Variants in THSD7A observed in about 807,000 individuals in gnomAD.
THSD7A encodes thrombospondin type 1 domain containing 7A.
Under a neutral mutation model 231.3 loss-of-function variants are expected in THSD7A, and 96 were observed. The ratio of observed to expected loss-of-function variants is 0.41; its 90% CI spans 0.35 to 0.49. The LOEUF is 0.49. Ranked by LOEUF, THSD7A falls within the 20% of genes least tolerant of loss-of-function variation. The probability of loss-of-function intolerance (pLI) is 0.05; values close to 1 mark genes in which losing one functional copy is unlikely to be tolerated. For synonymous variants in THSD7A, 940 were observed against 743.3 expected, an observed-to-expected ratio of 1.26 and a Z score of -4.30; for missense variants, 2,290 against 2,070.2, an observed-to-expected ratio of 1.11 and a Z score of -2.06.
intron 17 of THSD7A, 145 bp from the exon 18 acceptor site, chr7:11,412,945 G>A (rs1196928932): frequency 2.5e-6 from 2 of 808,204 alleles, no homozygotes; most frequent in East Asian, 2.7e-5. Flanking sequence ...TGCCTCAGTT[G>A]TTCAATGTAT....
rs752560754 is a variant in THSD7A, at chr7:11,541,856, G to T, written c.1610-225C>A. Reference sequence around the variant, plus strand: ...GGAATGAAAAAAAATGAGAACCTTTGGTTTTAGCTTACTACTGCAAAGGTA... The same window carrying T: ...GGAATGAAAAAAAATGAGAACCTTTTGTTTTAGCTTACTACTGCAAAGGTA... On this transcript the variant is annotated intron_variant, in intron 5 of 27. Coordinates refer to ENST00000423059, the MANE Select transcript of THSD7A (RefSeq NM_015204.3). Among the ~76,000 whole-genome samples, 10 of 152,118 alleles carry T rather than the reference G, an allele frequency of 6.6e-5. 1 individual carries two copies. Among genetic ancestry groups the T allele is most frequent in the Non-Finnish European group, 8.8e-5 (6 of 68,006 alleles).
Position 11,831,643 on chromosome 7 carries a change from G to T in THSD7A, c.190+114C>A. ...TAAGAAATCATACTTTTTACCTTAG[G>T]ATACCAGCATAACCAAGCCATCCAA... On this transcript the variant is annotated intron_variant, in intron 1 of 27. Transcript: ENST00000423059. The surrounding 1 kb of genome is among the most constrained non-coding windows in gnomAD (Gnocchi z 5.0). 1 of 648,174 alleles carries T rather than the reference G, an allele frequency of 1.5e-6. No individual in the cohort carries two copies. The highest frequency in any genetic ancestry group is 2.2e-6 in the Non-Finnish European group (1 of 457,694). The allele number at this position is 648,174 out of a possible 1,614,324, so 40.2% of individuals were successfully genotyped here.
rs1272766811 is a variant in THSD7A at position 11,632,672 on chromosome 7, A to T, written c.1022+3458T>A. ...TTTTACTTTAAAGAGAATGCTTCTA[A>T]TGTTTCACAGTTGAGCACCGTCCCA... On this transcript the variant is annotated intron_variant, in intron 2 of 27. Coordinates refer to ENST00000423059, the MANE Select transcript of THSD7A (RefSeq NM_015204.3). The surrounding 1 kb of genome is among the most constrained non-coding windows in gnomAD (Gnocchi z 4.1). Among the ~76,000 whole-genome samples the T allele has an allele frequency of 1.3e-5, 2 of 152,128 alleles. No individual in the cohort carries two copies. The highest frequency in any genetic ancestry group is 2.9e-5 in the Non-Finnish European group (2 of 68,024).
rs756308582 is a variant in THSD7A, at chr7:11,375,840, C to A, written c.4928G>T (p.Arg1643Leu). The change falls in exon 28 of 28, where the codon CGA (arginine) becomes CTA (leucine). Residue 1643 changes from arginine to leucine, a missense_variant. Arg to Leu is a moderately radical substitution (Grantham distance 102, BLOSUM62 -2). Coordinates refer to ENST00000423059, the MANE Select transcript of THSD7A (RefSeq NM_015204.3). ...PKKPQRRQNNRLKPLTLAYDG... is the reference protein window; with the variant it reads ...PKKPQRRQNNLLKPLTLAYDG... ...ATAGGCTAAGGTTAAAGGTTTCAGT[C>A]GGTTGTTTTGCCTTCTTTGGGGTTT... is the stretch of plus-strand genomic sequence containing the variant. The A allele has an allele frequency of 1.2e-6, 2 of 1,612,618 alleles. No individual in the cohort carries two copies. Among genetic ancestry groups the A allele is most frequent in the South Asian group, 1.1e-5 (1 of 91,010 alleles).
At chr7:11,820,854 G>GT in intron 1 of THSD7A, 1 of 946,046 alleles carries the variant, frequency 1.1e-6, no homozygotes. Flanking sequence ...TAAGTTTTCT[G>GT]TTTTCTCAGC....
intron 23 of THSD7A, among the ~76,000 whole-genome samples, chr7:11,392,884 C>T (rs897633109): frequency 2.0e-5 from 3 of 152,214 alleles, no homozygotes; most frequent in African/African-American, 7.2e-5. Flanking sequence ...CAGCCCCAGT[C>T]AGGGGCTTAT....
chr7:11,686,119 G>T (rs569988271), intron 1 of THSD7A, among the ~76,000 whole-genome samples: 55 of 151,996 alleles, frequency 3.6e-4, no homozygotes, highest in African/African-American at 1.2e-3. Flanking sequence ...ATTTATAAAA[G>T]TGGGAGCTAA....
Position 11,820,121 on chromosome 7 carries a change from G to A in THSD7A, c.190+11636C>T, listed in dbSNP as rs551461674. Reference sequence around the variant, plus strand: ...CTCAAGAGCTGGGCCTGACCCCCGGGCTCCACCGCCAGCCTCCTCTGTCCA... The same window carrying A: ...CTCAAGAGCTGGGCCTGACCCCCGGACTCCACCGCCAGCCTCCTCTGTCCA... On this transcript the variant is annotated intron_variant, in intron 1 of 27. Transcript: ENST00000423059. Among the ~76,000 whole-genome samples, 20 of 152,286 alleles carry A rather than the reference G, an allele frequency of 1.3e-4. No homozygotes were observed. In the East Asian group the frequency reaches 3.7e-3, roughly 28 times the overall value.
At position 11,590,557 on chromosome 7, in the gene THSD7A, C is replaced by A; in HGVS notation, c.1356G>T (p.Thr452=). 6.2e-7 allele frequency: 1 copy of A among 1,613,816 alleles called. No homozygotes were observed. Among genetic ancestry groups the A allele is most frequent in the Non-Finnish European group, 8.5e-7 (1 of 1,179,816 alleles). ...TCTGGATGCCCCCTCCACAGAGGGC[C>A]GTCTGGTTGCCGCGCCTCTTGTCCT... ...SQQDKRRGNQ[T]ALCGGGIQTR... The change falls in exon 4 of 28, where the codon ACG becomes ACT. Residue 452 remains threonine (T), a synonymous_variant. Coordinates refer to ENST00000423059, the MANE Select transcript of THSD7A (RefSeq NM_015204.3). The surrounding 1 kb of genome is among the most constrained non-coding windows in gnomAD (Gnocchi z 4.4).
intron 1 of THSD7A, among the ~76,000 whole-genome samples, chr7:11,746,026 TA>T (rs1782287765): frequency 6.6e-6 from 1 of 152,082 alleles, no homozygotes; most frequent in Non-Finnish European, 1.5e-5. Context: ...ATCTATAAAT[TA>T]CCTTGGGCAG....
At chr7:11,745,669 C>T (rs1002087880) in intron 1 of THSD7A, among the ~76,000 whole-genome samples, 1 of 152,080 alleles carries the variant, frequency 6.6e-6, no homozygotes, top group Admixed American at 6.6e-5. Context: ...ATATGGCCAG[C>T]CAGTTTTCCC....
At chr7:11,490,990 C>T (rs1397621811) in intron 6 of THSD7A, among the ~76,000 whole-genome samples, 1 of 152,090 alleles carries the variant, frequency 6.6e-6, no homozygotes, top group Admixed American at 6.6e-5. Flanking sequence ...GACCATCCCT[C>T]CCATACTACT....
chr7:11,419,203 C>T (rs1017570211), intron 16 of THSD7A, among the ~76,000 whole-genome samples: 2 of 152,090 alleles, frequency 1.3e-5, no homozygotes, highest in Non-Finnish European at 2.9e-5. Flanking sequence ...TCAAAGATTT[C>T]TCTTGATATG....
At chr7:11,721,511 C>G (rs1781351108) in intron 1 of THSD7A, among the ~76,000 whole-genome samples, 1 of 146,314 alleles carries the variant, frequency 6.8e-6, no homozygotes, top group South Asian at 2.1e-4. Flanking sequence ...TCCTATACAG[C>G]CTACGGAACT....
intron 4 of THSD7A, among the ~76,000 whole-genome samples, chr7:11,576,660 A>G (rs1790920846): frequency 6.6e-6 from 1 of 152,254 alleles, no homozygotes; most frequent in African/African-American, 2.4e-5. Context: ...CTACAAAAAT[A>G]GCAATATCAT....
At chr7:11,428,839 G>C in intron 14 of THSD7A, 108 bp downstream of exon 14, 2 of 1,311,916 alleles carry the variant, frequency 1.5e-6, no homozygotes, top group Admixed American at 2.5e-5. Flanking sequence ...GTAAAAATGG[G>C]TCAATTTTTT....
rs1452821200 is a variant in THSD7A, at chr7:11,474,434, T to C, written c.2152A>G (p.Thr718Ala). 2.5e-6 allele frequency: 4 copies of C among 1,613,506 alleles called. No individual in the cohort carries two copies. In the African/African-American group the frequency reaches 4.0e-5, roughly 16 times the overall value. The change falls in exon 8 of 28, where the codon ACA becomes GCA. Residue 718 changes from threonine (T) to alanine (A), a missense_variant. Thr to Ala is a moderately conservative substitution (Grantham distance 58, BLOSUM62 0). Coordinates refer to ENST00000423059, the MANE Select transcript of THSD7A (RefSeq NM_015204.3). The surrounding 1 kb of genome is among the most constrained non-coding windows in gnomAD (Gnocchi z 4.1). ...GCCTCCCCATTCCAAGTCGTAGTTGTGTTGAAGGACGATACTGAGGTGTCC... is the reference window on the plus strand; with the variant it reads ...GCCTCCCCATTCCAAGTCGTAGTTGCGTTGAAGGACGATACTGAGGTGTCC... ...IEDTSVSSFN[T>A]TTTWNGEASC...
intron 1 of THSD7A, among the ~76,000 whole-genome samples, chr7:11,773,322 C>T (rs1256787618): frequency 6.6e-6 from 1 of 152,094 alleles, no homozygotes; most frequent in East Asian, 1.9e-4. Context: ...TCATCTAGGT[C>T]GGGAGTTCGT....
At chr7:11,575,383 T>C (rs1790848614) in intron 4 of THSD7A, among the ~76,000 whole-genome samples, 1 of 152,214 alleles carries the variant, frequency 6.6e-6, no homozygotes. Context: ...CCTTTATCAG[T>C]GCCTAGATAA....
Sources: gnomAD v4.1 joint callset for allele counts (sites outside exome capture counted in the v4.1 genomes callset) on GRCh38, gnomAD v4.1.1 for gene constraint, Gnocchi (gnomAD v3.1) non-coding constraint, MANE v1.5 for transcripts, NCBI Gene and HGNC (gene_info 2026-07-23, HGNC 2026-07-21) for gene names.